FSHR: variants seen among roughly 807,000 people sequenced by gnomAD.
FSHR encodes follicle-stimulating hormone receptor.
A neutral mutation model predicts 52.1 loss-of-function variants in FSHR; 46 were observed. That is an observed-to-expected ratio of 0.88 (90% CI 0.70 to 1.13). The LOEUF (loss-of-function observed/expected upper bound fraction) is 1.13. Among genes scored for constraint, FSHR ranks in the 50% most tolerant of loss-of-function variants. FSHR has a pLI of 0.00. For synonymous variants in FSHR, 399 were observed against 309.6 expected, an observed-to-expected ratio of 1.29 and a Z score of -3.03; for missense variants, 964 against 834.6, an observed-to-expected ratio of 1.16 and a Z score of -1.91.
At chr2:49,137,628 G>A (rs1283108390) in intron 1 of FSHR, among the ~76,000 whole-genome samples, 5 of 152,014 alleles carry the variant, frequency 3.3e-5, no homozygotes, top group South Asian at 2.1e-4. Context: ...ACTGACACAA[G>A]GATAGATATA....
chr2:49,109,393 G>GT (rs1005553826), intron 1 of FSHR, among the ~76,000 whole-genome samples: 1 of 152,164 alleles, frequency 6.6e-6, no homozygotes, highest in Non-Finnish European at 1.5e-5. Flanking sequence ...TTTTATCTGG[G>GT]TTGGGGAGAG....
chr2:49,000,815 G>C (rs1459318598), intron 4 of FSHR, among the ~76,000 whole-genome samples: 2 of 152,132 alleles, frequency 1.3e-5, no homozygotes, highest in East Asian at 3.9e-4. Flanking sequence ...ACAGTGACCA[G>C]TGTCTGAATT....
chr2:48,988,739 A>G (rs1408095687), intron 6 of FSHR, among the ~76,000 whole-genome samples: 2 of 152,232 alleles, frequency 1.3e-5, no homozygotes, highest in African/African-American at 4.8e-5. Flanking sequence ...ACAGGAGATC[A>G]TCATTCAAAC....
intron 1 of FSHR, among the ~76,000 whole-genome samples, chr2:49,120,857 T>C (rs1671793009): frequency 6.6e-6 from 1 of 152,214 alleles, no homozygotes. Flanking sequence ...TTTCATATTT[T>C]TAGGTGTAAA....
chr2:49,085,946 A>C (rs905132976), intron 1 of FSHR, among the ~76,000 whole-genome samples: 6 of 144,756 alleles, frequency 4.1e-5, no homozygotes, highest in Non-Finnish European at 9.1e-5. Flanking sequence ...GGGGAACATC[A>C]CACACTGGGG....
intron 1 of FSHR, among the ~76,000 whole-genome samples, chr2:49,104,152 C>T (rs866550956): frequency 6.6e-6 from 1 of 152,006 alleles, no homozygotes; most frequent in Non-Finnish European, 1.5e-5. Context: ...TTAATCTTTG[C>T]GAAATGCTGA....
At chr2:49,059,349 C>T (rs1294219769) in intron 2 of FSHR, among the ~76,000 whole-genome samples, 1 of 151,846 alleles carries the variant, frequency 6.6e-6, no homozygotes, top group Non-Finnish European at 1.5e-5. Context: ...AAGTTGGCAG[C>T]ATCAAACTAC....
chr2:49,015,696 A>G (rs1232272261), intron 4 of FSHR, among the ~76,000 whole-genome samples: 1 of 152,176 alleles, frequency 6.6e-6, no homozygotes, highest in East Asian at 1.9e-4. Flanking sequence ...TCCCTAAGGA[A>G]CATGATGAAC....
intron 1 of FSHR, among the ~76,000 whole-genome samples, chr2:49,072,472 A>G (rs1163550106): frequency 6.6e-6 from 1 of 152,200 alleles, no homozygotes; most frequent in Non-Finnish European, 1.5e-5. Context: ...CCAATACAAT[A>G]AACTACTAAA....
At chr2:49,133,508 G>T (rs1672370767) in intron 1 of FSHR, among the ~76,000 whole-genome samples, 1 of 152,120 alleles carries the variant, frequency 6.6e-6, no homozygotes, top group Non-Finnish European at 1.5e-5. Flanking sequence ...GTAATTTATA[G>T]ATTCAATGCC....
intron 2 of FSHR, among the ~76,000 whole-genome samples, chr2:49,059,108 G>T (rs1170834183): frequency 6.6e-6 from 1 of 152,046 alleles, no homozygotes; most frequent in African/African-American, 2.4e-5. Flanking sequence ...GGGAGGCTAA[G>T]GTAGGAAGAT....
intron 8 of FSHR, among the ~76,000 whole-genome samples, chr2:48,975,439 C>A (rs750036151): frequency 6.6e-6 from 1 of 152,154 alleles, no homozygotes; most frequent in Non-Finnish European, 1.5e-5. Context: ...ATTCTACTTA[C>A]TCCCCAGTGC....
chr2:49,104,976 G>C (rs886991338), intron 1 of FSHR, among the ~76,000 whole-genome samples: 5 of 152,102 alleles, frequency 3.3e-5, no homozygotes, highest in Non-Finnish European at 7.4e-5. Context: ...GTGAATTAAA[G>C]GTAAGAATAT....
intron 2 of FSHR, among the ~76,000 whole-genome samples, chr2:49,052,813 T>C (rs6734724): frequency 0.026 from 3,966 of 152,248 alleles, 160 homozygotes; most frequent in African/African-American, 0.091. Flanking sequence ...ACTTAAGTCA[T>C]GTAACAAGGG....
chr2:49,110,299 A>C (rs981917019), intron 1 of FSHR, among the ~76,000 whole-genome samples: 5 of 152,184 alleles, frequency 3.3e-5, no homozygotes, highest in Admixed American at 6.5e-5. Flanking sequence ...CATAGCAGAT[A>C]AATCCTGGGA....
chr2:49,030,459 CCT>C (rs1485468314), intron 2 of FSHR, among the ~76,000 whole-genome samples: 1 of 152,160 alleles, frequency 6.6e-6, no homozygotes, highest in Non-Finnish European at 1.5e-5. Flanking sequence ...CTGCTTCCAG[CCT>C]CTGTTTTCAC....
At chr2:49,084,862 C>T (rs1300246519) in intron 1 of FSHR, among the ~76,000 whole-genome samples, 2 of 151,950 alleles carry the variant, frequency 1.3e-5, no homozygotes, top group East Asian at 1.9e-4. Context: ...AATAGCTTAC[C>T]AACCAAAAAG....
chr2:49,114,879 T>C lies in FSHR; in HGVS notation c.152+39387A>G, dbSNP rs370416306. Reference sequence around the variant, plus strand: ...CATACAACCTTTGTGGTAGAATCAATGTGGTATGAGGAAATGAGGATCCTT... The same window carrying C: ...CATACAACCTTTGTGGTAGAATCAACGTGGTATGAGGAAATGAGGATCCTT... On this transcript the variant is annotated intron_variant, in intron 1 of 9. Coordinates refer to ENST00000406846, the MANE Select transcript of FSHR (RefSeq NM_000145.4). Among the ~76,000 whole-genome samples the C allele has an allele frequency of 7.9e-5, 12 of 152,046 alleles. No individual in the cohort carries two copies. The East Asian group carries it at 1.9e-3, about 25-fold the overall frequency.
chr2:49,056,486 A>ATC (rs1553339263), intron 2 of FSHR, among the ~76,000 whole-genome samples: 2 of 119,042 alleles, frequency 1.7e-5, no homozygotes, highest in East Asian at 2.6e-4. Flanking sequence ...ATATATATAT[A>ATC]TCCAACACCA....
Sources: gnomAD v4.1 joint callset for allele counts (sites outside exome capture counted in the v4.1 genomes callset) on GRCh38, gnomAD v4.1.1 for gene constraint, MANE v1.5 for transcripts, NCBI Gene and HGNC (gene_info 2026-07-23, HGNC 2026-07-21) for gene names.